ABCA8: variants seen among roughly 807,000 people sequenced by gnomAD.
ABCA8 encodes the protein ATP binding cassette subfamily A member 8.
In ABCA8, 177 loss-of-function variants were observed where a neutral mutation model predicts 192.3. The observed-to-expected ratio is 0.92, with a 90% CI of 0.81 to 1.04. The LOEUF is 1.04. ABCA8 is among the 50% of genes least tolerant of loss of function. The pLI is 0.00. For synonymous variants in ABCA8, 642 were observed against 690.2 expected (o/e 0.93, Z 1.09); for missense variants, 1,915 against 1,904.8 (o/e 1.01, Z -0.10).
intron 23 of ABCA8, among the ~76,000 whole-genome samples, chr17:68,893,731 TTTTC>T (rs1216466466): frequency 6.7e-6 from 1 of 150,110 alleles, no homozygotes; most frequent in African/African-American, 2.4e-5. Flanking sequence ...CTTTTTTTTT[TTTTC>T]CTTTTCTTTT....
At chr17:68,883,581 A>T (rs1427467711) in intron 29 of ABCA8, among the ~76,000 whole-genome samples, 1 of 152,144 alleles carries the variant, frequency 6.6e-6, no homozygotes, top group African/African-American at 2.4e-5. Context: ...ATAGAGCCTT[A>T]ATACTCCATG....
intron 2 of ABCA8, chr17:68,944,529 TG>T (rs1405683143): frequency 6.6e-6 from 1 of 150,992 alleles, no homozygotes; most frequent in Non-Finnish European, 1.5e-5. Flanking sequence ...TATTGCATCT[TG>T]GGGAGGAGTT....
chr17:68,949,138 A>G (rs2068498656), intron 2 of ABCA8, among the ~76,000 whole-genome samples, 174 bp downstream of exon 2: 1 of 152,158 alleles, frequency 6.6e-6, no homozygotes, highest in Non-Finnish European at 1.5e-5. Flanking sequence ...TGTTTTGGTT[A>G]CTGTAGCCTC....
At chr17:68,926,450 C>CA (rs1379628972) in intron 10 of ABCA8, among the ~76,000 whole-genome samples, 3 of 151,072 alleles carry the variant, frequency 2.0e-5, no homozygotes, top group South Asian at 2.1e-4. Flanking sequence ...GATAGAAACA[C>CA]AAAAAAAAGT....
intron 1 of ABCA8, among the ~76,000 whole-genome samples, chr17:68,951,399 T>C (rs1359024900): frequency 2.6e-5 from 4 of 152,258 alleles, no homozygotes; most frequent in Non-Finnish European, 5.9e-5. Context: ...CAGCATATTT[T>C]AATATTTGAA....
chr17:68,914,761 A>G (rs747406230), intron 17 of ABCA8, among the ~76,000 whole-genome samples: 9 of 152,172 alleles, frequency 5.9e-5, no homozygotes, highest in Non-Finnish European at 1.0e-4. Context: ...CAAAATACCA[A>G]TGACATTCTT....
Position 68,903,938 on chromosome 17 carries a change from T to C in ABCA8, c.2399-439A>G, listed in dbSNP as rs2066983534. ...TTCAGTTTTGAATAGTTTCTGAGAC[T>C]GCATTCATTTGTGTGTTCTCTATAA... On this transcript the variant is annotated intron_variant, in intron 19 of 39. Transcript: ENST00000586539. Among the ~76,000 whole-genome samples the C allele has an allele frequency of 2.6e-5, 4 of 152,180 alleles. No homozygotes were observed. The South Asian group carries it at 8.3e-4, about 32-fold the overall frequency.
chr17:68,923,125 CTTATT>C (rs929113591), intron 11 of ABCA8, among the ~76,000 whole-genome samples: 2 of 151,874 alleles, frequency 1.3e-5, no homozygotes, highest in East Asian at 1.9e-4. Context: ...ATTTATGTTT[CTTATT>C]TTATCATCTA....
chr17:68,881,128 C>G lies in ABCA8; in HGVS notation c.4030G>C (p.Ala1344Pro). The G allele has an allele frequency of 9.3e-6, 15 of 1,607,358 alleles. No homozygotes were observed. The highest frequency in any genetic ancestry group is 1.3e-5 in the Non-Finnish European group (15 of 1,173,986). Residue 1344 changes from alanine (A) to proline (P), a missense_variant, in exon 32 of 40, where the codon GCT (alanine) becomes CCT (proline). Ala to Pro is a conservative substitution (Grantham distance 27, BLOSUM62 -1). Transcript: ENST00000586539. The stretch of plus-strand genomic sequence containing the variant: ...CCACATAATTCACCTACTTGTCCAG[C>G]AGTTGGTTTTGTGTCTCCAGTTATC... ...KVITGDTKPT[A>P]GQVLLKGSGG...
chr17:68,887,222 T>C (rs2066485141), intron 25 of ABCA8, 92 bp from the exon 26 acceptor site: 2 of 1,346,620 alleles, frequency 1.5e-6, no homozygotes, highest in Admixed American at 2.3e-5. Flanking sequence ...CCCAGGATTT[T>C]ATAGTTCTTT....
chr17:68,949,146 C>T (rs2068499182), intron 2 of ABCA8, among the ~76,000 whole-genome samples, 166 bp downstream of exon 2: 1 of 152,068 alleles, frequency 6.6e-6, no homozygotes, highest in East Asian at 1.9e-4. Context: ...TTACTGTAGC[C>T]TCCTAGTGTT....
intron 32 of ABCA8, 79 bp downstream of exon 32, chr17:68,881,041 A>C (rs543540699): frequency 5.2e-6 from 5 of 964,484 alleles, no homozygotes; most frequent in East Asian, 4.8e-5. Context: ...ATTAAGTGGA[A>C]TCTGTTGTTT....
intron 12 of ABCA8, among the ~76,000 whole-genome samples, 171 bp downstream of exon 12, chr17:68,922,071 C>T (rs534258497): frequency 6.6e-6 from 1 of 151,708 alleles, no homozygotes; most frequent in Non-Finnish European, 1.5e-5. Flanking sequence ...AAAAAAAAGT[C>T]TTATGCAGCT....
intron 14 of ABCA8, 124 bp from the exon 15 acceptor site, chr17:68,918,670 A>C (rs1355932111): frequency 1.1e-4 from 102 of 967,396 alleles, no homozygotes; most frequent in Non-Finnish European, 1.3e-4. Context: ...GCGGTGGCTC[A>C]TACCCATAGT....
Position 68,877,617 on chromosome 17 carries a change from C to T in ABCA8, c.4101G>A (p.Glu1367=), listed in dbSNP as rs772572945. 6.2e-7 allele frequency: 1 copy of T among 1,614,046 alleles called. No homozygotes were observed. The highest frequency in any genetic ancestry group is 1.3e-5 in the African/African-American group (1 of 74,940). The change falls in exon 33 of 40, where the codon GAG becomes GAA. Residue 1367 remains glutamate (E), a synonymous_variant. Transcript: ENST00000586539. Reference sequence around the variant, plus strand: ...CTGTCAGGTTGGGCCACAGCGCGTTCTCCTGAGGGCAGTACCCCAGGAACT... The same window carrying T: ...CTGTCAGGTTGGGCCACAGCGCGTTTTCCTGAGGGCAGTACCCCAGGAACT... ...ALEFLGYCPQ[E]NALWPNLTVR...
intron 37 of ABCA8, 109 bp from the exon 38 acceptor site, chr17:68,869,888 C>G (rs2066003629): frequency 2.7e-6 from 2 of 742,308 alleles, no homozygotes; most frequent in African/African-American, 3.5e-5. Flanking sequence ...GTGTTAGGAA[C>G]ATTTAACATG....
At chr17:68,943,239 G>A (rs994804767) in intron 2 of ABCA8, among the ~76,000 whole-genome samples, 5 of 151,938 alleles carry the variant, frequency 3.3e-5, no homozygotes, top group African/African-American at 9.7e-5. Context: ...CACTTTAATC[G>A]AATGTCATTT....
chr17:68,921,351 T>TA, intron 13 of ABCA8, 31 bp downstream of exon 13: 1 of 1,512,572 alleles, frequency 6.6e-7, no homozygotes, highest in Non-Finnish European at 9.1e-7. Flanking sequence ...AAAGTATAAT[T>TA]TAAAAAAAAA....
In ABCA8 at chr17:68,911,768, C is replaced by CACAT. The variant is rs2067232745; in HGVS notation, c.2139-3890_2139-3889insATGT. ...ACACACACACACACACACACACACA[C>CACAT]ACTCCATTTGGAGAAAGATAAGGGA... is the stretch of plus-strand genomic sequence containing the variant. On this transcript the variant is annotated intron_variant, in intron 17 of 39. Transcript: ENST00000586539. The surrounding 1 kb of genome is among the most constrained non-coding windows in gnomAD (Gnocchi z 5.7). Among the ~76,000 whole-genome samples, 5 of 151,516 alleles carry CACAT rather than the reference C, an allele frequency of 3.3e-5. No homozygotes were observed. In the South Asian group the frequency reaches 1.0e-3, roughly 32 times the overall value.
Sources: gnomAD v4.1 joint callset for allele counts (sites outside exome capture counted in the v4.1 genomes callset) on GRCh38, gnomAD v4.1.1 for gene constraint, Gnocchi (gnomAD v3.1) non-coding constraint, MANE v1.5 for transcripts, NCBI Gene and HGNC (gene_info 2026-07-23, HGNC 2026-07-21) for gene names.